Variants in SIGLEC15 observed in about 807,000 individuals in gnomAD.
SIGLEC15 encodes the protein sialic acid-binding Ig-like lectin 15.
SIGLEC15 carries 31 observed loss-of-function variants against 26.2 expected under a neutral mutation model. The observed-to-expected ratio is 1.18, with a 90% confidence interval of 0.89 to 1.60. SIGLEC15 has a LOEUF of 1.60. SIGLEC15 is among the 40% of genes most tolerant of loss of function. SIGLEC15 has a pLI of 0.00. For synonymous variants in SIGLEC15, 207 were observed against 221.9 expected, an observed-to-expected ratio of 0.93 and a Z score of 0.60; for missense variants, 501 against 488.4, an observed-to-expected ratio of 1.03 and a Z score of -0.24.
chr18:45,832,011 C>T (rs1018220894), intron 1 of SIGLEC15, among the ~76,000 whole-genome samples: 9 of 152,228 alleles, frequency 5.9e-5, no homozygotes, highest in Admixed American at 6.5e-5. Flanking sequence ...GGATTACAGG[C>T]GTGAGCCGCC....
In SIGLEC15 at chr18:45,838,784, C is replaced by T; in HGVS notation, c.563C>T (p.Thr188Ile). ...SPAHAFRALC[T>I]AEGEPPPALA... Reference sequence around the variant, plus strand: ...GCTCACGCCTTCCGCGCGCTCTGCACTGCCGAAGGGGAGCCGCCGCCCGCC... The same window carrying T: ...GCTCACGCCTTCCGCGCGCTCTGCATTGCCGAAGGGGAGCCGCCGCCCGCC... Residue 188 changes from threonine to isoleucine, a missense_variant, in exon 4 of 6, where the codon ACT becomes ATT. Coordinates refer to ENST00000389474, the MANE Select transcript of SIGLEC15 (RefSeq NM_213602.3). 3 of 1,568,052 alleles carry T rather than the reference C, an allele frequency of 1.9e-6. No individual in the cohort carries two copies. The highest frequency in any genetic ancestry group is 1.7e-6 in the Non-Finnish European group (2 of 1,164,620).
rs1293321684 is a variant in SIGLEC15, at chr18:45,837,100, T to C, written c.112+12T>C. On this transcript the variant is annotated intron_variant, in intron 2 of 5. Coordinates refer to ENST00000389474, the MANE Select transcript of SIGLEC15 (RefSeq NM_213602.3). The stretch of plus-strand genomic sequence containing the variant: ...CACAGAGGTGCACAGTAAGTGCTTT[T>C]ATTATTATCACCATCTCGGGGATCT... 9 of 1,612,782 alleles carry C rather than the reference T, an allele frequency of 5.6e-6. No individual in the cohort carries two copies. Among genetic ancestry groups the C allele is most frequent in the Non-Finnish European group, 7.6e-6 (9 of 1,179,556 alleles).
rs370603824 is a variant in SIGLEC15 at position 45,838,182 on chromosome 18, G to A, written c.496+286G>A. On this transcript the variant is annotated intron_variant, in intron 3 of 5. Transcript: ENST00000389474. The stretch of plus-strand genomic sequence containing the variant: ...TCCCCAGTGGCTCTCAGACGAAGAG[G>A]CGAGAAAGACAAGTGAATGGCAATC... Among the ~76,000 whole-genome samples, 92 of 152,326 alleles carry A rather than the reference G, an allele frequency of 6.0e-4. No homozygotes were observed. The East Asian group carries it at 8.3e-3, about 14-fold the overall frequency.
intron 1 of SIGLEC15, among the ~76,000 whole-genome samples, 158 bp from the exon 2 acceptor site, chr18:45,836,871 A>G (rs528465139): frequency 6.6e-6 from 1 of 152,270 alleles, no homozygotes; most frequent in East Asian, 1.9e-4. Flanking sequence ...AGAAGCCCCA[A>G]AGTTCCCAGC....
chr18:45,828,723 C>G (rs961575053), intron 1 of SIGLEC15, among the ~76,000 whole-genome samples: 62 of 152,242 alleles, frequency 4.1e-4, no homozygotes, highest in African/African-American at 1.4e-3. Context: ...GCATCCACCT[C>G]TCCCGCACCC....
Position 45,836,497 on chromosome 18 carries a change from C to A in SIGLEC15, c.53-532C>A, listed in dbSNP as rs903034641. On this transcript the variant is annotated intron_variant, in intron 1 of 5. Coordinates refer to ENST00000389474, the MANE Select transcript of SIGLEC15 (RefSeq NM_213602.3). ...CCTCTGAGGCGCGCTCCCCTCTCCC[C>A]CAAAGCAGCACACATAGGCAACCAC... 3.3e-5 allele frequency among the ~76,000 whole-genome samples: 5 copies of A among 152,284 alleles called. No homozygotes were observed. The South Asian group carries it at 1.0e-3, about 32-fold the overall frequency.
In SIGLEC15 at chr18:45,837,880, C is replaced by T; in HGVS notation, c.480C>T (p.Val160=). ...ACCGCTACGAGAGCCGCCACGGCGT[C>T]CGGCTGCACGTGACAGGCGAGGCGG... ...VHDRYESRHG[V]RLHVTAAPRI... Residue 160 remains valine, a synonymous_variant, in exon 3 of 6, where the codon GTC becomes GTT. Coordinates refer to ENST00000389474, the MANE Select transcript of SIGLEC15 (RefSeq NM_213602.3). 1 of 1,528,798 alleles carries T rather than the reference C, an allele frequency of 6.5e-7. No individual in the cohort carries two copies. Among genetic ancestry groups the T allele is most frequent in the Non-Finnish European group, 8.7e-7 (1 of 1,148,938 alleles). 94.7% of individuals were successfully genotyped at this position (1,528,798 alleles called of 1,614,324 possible).
chr18:45,837,220 C>T (rs2048282507), intron 2 of SIGLEC15, 132 bp downstream of exon 2: 1 of 1,411,092 alleles, frequency 7.1e-7, no homozygotes, highest in Non-Finnish European at 9.3e-7. Context: ...GTCAAGGGGC[C>T]TGCAGGTGAA....
At chr18:45,829,876 G>A (rs1035952535) in intron 1 of SIGLEC15, among the ~76,000 whole-genome samples, 10 of 151,980 alleles carry the variant, frequency 6.6e-5, no homozygotes, top group Admixed American at 1.3e-4. Flanking sequence ...CTCAAAATCC[G>A]TGTCACATAA....
chr18:45,840,769 A>C (rs1481351638), intron 5 of SIGLEC15: 2 of 152,796 alleles, frequency 1.3e-5, no homozygotes, highest in Non-Finnish European at 2.9e-5. Context: ...GGCAGAGGGT[A>C]GGAGTGGGAG....
Position 45,837,726 on chromosome 18 carries a change from G to T in SIGLEC15, c.326G>T (p.Ser109Ile), listed in dbSNP as rs2048287594. 6.7e-7 allele frequency: 1 copy of T among 1,503,328 alleles called. No individual in the cohort carries two copies. The highest frequency in any genetic ancestry group is 1.4e-5 in the African/African-American group (1 of 69,052). 93.1% of individuals were successfully genotyped at this position (1,503,328 alleles called of 1,614,324 possible). Residue 109 changes from serine to isoleucine, a missense_variant, in exon 3 of 6, where the codon AGC becomes ATC. By Grantham distance (142) the Ser-to-Ile change is moderately radical. Coordinates refer to ENST00000389474, the MANE Select transcript of SIGLEC15 (RefSeq NM_213602.3). Reference sequence around the variant, plus strand: ...AGCGAGCTCTGCCAGACGGCGCTGAGCCTGCACGGCCGCTTCCGGCTGCTG... The same window carrying T: ...AGCGAGCTCTGCCAGACGGCGCTGATCCTGCACGGCCGCTTCCGGCTGCTG... ...RGSELCQTAL[S>I]LHGRFRLLGN...
At chr18:45,841,697 T>C (rs900890591) in intron 5 of SIGLEC15, among the ~76,000 whole-genome samples, 23 of 152,118 alleles carry the variant, frequency 1.5e-4, no homozygotes, top group Admixed American at 1.4e-3. Context: ...CTTCCTGAGA[T>C]AAAGACAAGA....
intron 1 of SIGLEC15, among the ~76,000 whole-genome samples, chr18:45,826,071 A>G (rs982040742): frequency 6.6e-6 from 1 of 152,220 alleles, no homozygotes; most frequent in African/African-American, 2.4e-5. Flanking sequence ...CCAGAGGACA[A>G]TAGGCCAGGT....
At chr18:45,830,752 ATT>A (rs34498635) in intron 1 of SIGLEC15, among the ~76,000 whole-genome samples, 52 of 118,116 alleles carry the variant, frequency 4.4e-4, no homozygotes, top group African/African-American at 1.5e-3. Context: ...TGCCAGGCTA[ATT>A]TTTTTTTTTT....
intron 5 of SIGLEC15, 91 bp downstream of exon 5, chr18:45,840,332 A>G: frequency 7.0e-7 from 1 of 1,430,320 alleles, no homozygotes; most frequent in East Asian, 2.4e-5. Flanking sequence ...AATAAATGGC[A>G]AAGGGCTGGG....
intron 1 of SIGLEC15, among the ~76,000 whole-genome samples, chr18:45,835,893 T>A (rs2048272035): frequency 6.6e-6 from 1 of 152,124 alleles, no homozygotes; most frequent in African/African-American, 2.4e-5. Flanking sequence ...GGAAAGGGAC[T>A]GGGATTTTTC....
chr18:45,832,398 C>G (rs1005075246), intron 1 of SIGLEC15, among the ~76,000 whole-genome samples: 2 of 126,818 alleles, frequency 1.6e-5, no homozygotes, highest in Non-Finnish European at 3.3e-5. Context: ...CTAGGACGTG[C>G]CAGGCACAGA....
rs547030461 is a variant in SIGLEC15, at chr18:45,836,888, T to A, written c.53-141T>A. ...AAGCCCCAAAGTTCCCAGCCTCTAGTGCACTAGAATGCAGGCTGTAGAGTG... is the reference window on the plus strand; with the variant it reads ...AAGCCCCAAAGTTCCCAGCCTCTAGAGCACTAGAATGCAGGCTGTAGAGTG... On this transcript the variant is annotated intron_variant, in intron 1 of 5. Coordinates refer to ENST00000389474, the MANE Select transcript of SIGLEC15 (RefSeq NM_213602.3). The A allele has an allele frequency of 5.1e-6, 3 of 589,380 alleles. No individual in the cohort carries two copies. The East Asian group carries it at 8.5e-5, about 17-fold the overall frequency. The allele number at this position is 589,380 out of a possible 1,614,324, so 36.5% of individuals were successfully genotyped here. A position where few individuals can be genotyped will look rare whatever the true frequency, so the allele number is the denominator to read the frequency against.
intron 1 of SIGLEC15, among the ~76,000 whole-genome samples, chr18:45,827,767 C>T (rs1310594564): frequency 6.6e-6 from 1 of 152,174 alleles, no homozygotes; most frequent in Admixed American, 6.5e-5. Context: ...TTCAAGAGAG[C>T]CGAGGCTTTG....
Sources: gnomAD v4.1 joint callset for allele counts (sites outside exome capture counted in the v4.1 genomes callset) on GRCh38, gnomAD v4.1.1 for gene constraint, MANE v1.5 for transcripts, NCBI Gene and HGNC (gene_info 2026-07-23, HGNC 2026-07-21) for gene names.